Variants in DIP2B observed in about 807,000 individuals in gnomAD.
The protein encoded by DIP2B is DIP2 acetate--CoA ligase B (putative), also known as disco-interacting protein 2 homolog B.
Under a neutral mutation model 198.0 loss-of-function variants are expected in DIP2B, and 76 were observed. The observed-to-expected ratio is 0.38, with a 90% CI of 0.32 to 0.46. DIP2B has a LOEUF of 0.46. DIP2B is among the 20% of genes least tolerant of loss of function. The probability of loss-of-function intolerance (pLI) is 0.99; values close to 1 mark genes in which losing one functional copy is unlikely to be tolerated. For missense variants in DIP2B, 1,559 were observed against 1,978.4 expected, an observed-to-expected ratio of 0.79 and a Z score of 4.02; for synonymous variants, 701 against 739.1, an observed-to-expected ratio of 0.95 and a Z score of 0.84.
chr12:50,561,897 C>T (rs988840668), intron 1 of DIP2B, among the ~76,000 whole-genome samples: 4 of 152,328 alleles, frequency 2.6e-5, no homozygotes, highest in African/African-American at 9.6e-5. Context: ...GCATGAACCA[C>T]CATGCCTGAC....
intron 13 of DIP2B, among the ~76,000 whole-genome samples, chr12:50,691,767 G>C (rs547582751): frequency 1.3e-5 from 2 of 151,502 alleles, no homozygotes; most frequent in African/African-American, 4.8e-5. Context: ...GATTGATTAA[G>C]TTATAATACA....
intron 2 of DIP2B, chr12:50,633,147 G>A (rs907808105): frequency 6.6e-6 from 1 of 152,014 alleles, no homozygotes; most frequent in African/African-American, 2.4e-5. Flanking sequence ...TGTGTATATT[G>A]TATACTTCTT....
intron 1 of DIP2B, among the ~76,000 whole-genome samples, chr12:50,576,773 G>A (rs1281810595): frequency 6.6e-6 from 1 of 152,000 alleles, no homozygotes; most frequent in Admixed American, 6.6e-5. Flanking sequence ...GAGCTACCGC[G>A]CCCAGCCGGT....
chr12:50,511,971 A>AG (rs1958021472), intron 1 of DIP2B, among the ~76,000 whole-genome samples: 1 of 150,016 alleles, frequency 6.7e-6, no homozygotes, highest in African/African-American at 2.4e-5. Flanking sequence ...AAAAAAAAAA[A>AG]GTAGAGACAA....
chr12:50,645,919 A>G (rs1938342089), intron 3 of DIP2B, among the ~76,000 whole-genome samples: 1 of 152,082 alleles, frequency 6.6e-6, no homozygotes, highest in Non-Finnish European at 1.5e-5. Context: ...CTGGAAAAAT[A>G]TATACCAAAC....
chr12:50,563,720 TC>T (rs1958540020), intron 1 of DIP2B, among the ~76,000 whole-genome samples: 1 of 151,984 alleles, frequency 6.6e-6, no homozygotes, highest in African/African-American at 2.4e-5. Context: ...GCTCTCAAAC[TC>T]CTAGGCTCAA....
In DIP2B at chr12:50,745,403, A is replaced by C. The variant is rs1940328052; in HGVS notation, c.*564A>C. 6.5e-6 allele frequency: 1 copy of C among 154,140 alleles called. No homozygotes were observed. Among genetic ancestry groups the C allele is most frequent in the African/African-American group, 2.4e-5 (1 of 41,472 alleles). The allele number at this position is 154,140 out of a possible 1,614,324, so 9.5% of individuals were successfully genotyped here. On this transcript the variant is annotated 3_prime_UTR_variant, in exon 38 of 38. Coordinates refer to ENST00000301180, the MANE Select transcript of DIP2B (RefSeq NM_173602.3). ...GACCAGTGTTTTACAACATGTACAT[A>C]AGAATACACATAATTCAACTAGAGA...
At chr12:50,554,580 A>G (rs1336574203) in intron 1 of DIP2B, among the ~76,000 whole-genome samples, 1 of 152,184 alleles carries the variant, frequency 6.6e-6, no homozygotes, top group Non-Finnish European at 1.5e-5. Context: ...GCCTTGGCTT[A>G]GATGGATTGG....
At chr12:50,505,295 G>A in intron 1 of DIP2B, 55 bp downstream of exon 1, 2 of 1,370,778 alleles carry the variant, frequency 1.5e-6, no homozygotes, top group Non-Finnish European at 1.9e-6. Flanking sequence ...GCGGCGACTT[G>A]GGAGACAGGT....
intron 1 of DIP2B, among the ~76,000 whole-genome samples, chr12:50,549,669 A>G (rs1483449854): frequency 1.4e-5 from 2 of 140,754 alleles, no homozygotes; most frequent in Non-Finnish European, 3.0e-5. Flanking sequence ...ACTGCACTCC[A>G]GCCTGGTGAA....
intron 30 of DIP2B, among the ~76,000 whole-genome samples, chr12:50,729,374 A>G (rs1268159444): frequency 1.3e-5 from 2 of 152,202 alleles, no homozygotes; most frequent in African/African-American, 4.8e-5. Context: ...CTACACCTGT[A>G]TGTACATAAG....
At chr12:50,506,726 G>A (rs951547201) in intron 1 of DIP2B, among the ~76,000 whole-genome samples, 1 of 152,138 alleles carries the variant, frequency 6.6e-6, no homozygotes, top group East Asian at 1.9e-4. Context: ...AAATCGAGGA[G>A]CTTTTTGCAT....
rs895471327 is a variant in DIP2B, at chr12:50,699,010, T to C, written c.2189-56T>C. ...TTGGGTTCACAGGATGAAGCTGTTATTTTACAAAAGTTTTCTAGAATCTTT... is the reference window on the plus strand; with the variant it reads ...TTGGGTTCACAGGATGAAGCTGTTACTTTACAAAAGTTTTCTAGAATCTTT... On this transcript the variant is annotated intron_variant, in intron 18 of 37. Coordinates refer to ENST00000301180, the MANE Select transcript of DIP2B (RefSeq NM_173602.3). 6.9e-6 allele frequency: 11 copies of C among 1,593,230 alleles called. No homozygotes were observed. The African/African-American group carries it at 1.2e-4, about 18-fold the overall frequency.
intron 26 of DIP2B, 66 bp downstream of exon 26, chr12:50,721,462 G>T (rs1329266837): frequency 3.1e-6 from 5 of 1,595,632 alleles, no homozygotes; most frequent in Non-Finnish European, 3.4e-6. Context: ...ATTATAAAAG[G>T]ATAGGCACTC....
intron 1 of DIP2B, among the ~76,000 whole-genome samples, chr12:50,520,684 T>G (rs1314263880): frequency 6.6e-6 from 1 of 152,208 alleles, no homozygotes; most frequent in African/African-American, 2.4e-5. Flanking sequence ...TCATAGCTAT[T>G]TTTAAAATTA....
chr12:50,579,052 C>G (rs1007196758), intron 1 of DIP2B, among the ~76,000 whole-genome samples: 9 of 152,128 alleles, frequency 5.9e-5, no homozygotes, highest in Admixed American at 3.9e-4. Flanking sequence ...ATCTTAATGC[C>G]TGAGTCCACA....
chr12:50,678,775 C>T lies in DIP2B; in HGVS notation c.1013C>T (p.Ala338Val), dbSNP rs1016524266. The change falls in exon 8 of 38, where the codon GCT becomes GTT. Residue 338 changes from alanine (A) to valine (V), a missense_variant. Physicochemically the swap from Ala to Val is moderately conservative, Grantham distance 64. Transcript: ENST00000301180. ...GGAGTCATCTGTAACTGGCCTCCTG[C>T]TCTTGAATCTGCCCTGCAGCGCTGG... ...PLGVICNWPP[A>V]LESALQRWGT... The T allele has an allele frequency of 6.2e-7, 1 of 1,614,234 alleles. No individual in the cohort carries two copies.
At chr12:50,718,352 C>G (rs1438189436) in intron 23 of DIP2B, among the ~76,000 whole-genome samples, 1 of 152,140 alleles carries the variant, frequency 6.6e-6, no homozygotes, top group African/African-American at 2.4e-5. Flanking sequence ...TTAGTAGGAA[C>G]CTGTGCAACC....
chr12:50,674,847 A>G (rs1938918366), intron 6 of DIP2B, among the ~76,000 whole-genome samples: 1 of 152,204 alleles, frequency 6.6e-6, no homozygotes, highest in African/African-American at 2.4e-5. Flanking sequence ...ACTTTGAACA[A>G]AAACCTAAAT....
Sources: gnomAD v4.1 joint callset for allele counts (sites outside exome capture counted in the v4.1 genomes callset) on GRCh38, gnomAD v4.1.1 for gene constraint, MANE v1.5 for transcripts, NCBI Gene and HGNC (gene_info 2026-07-23, HGNC 2026-07-21) for gene names.